Variants in FHIP2B observed in about 807,000 individuals in gnomAD.
The protein encoded by FHIP2B is FHF complex subunit HOOK-interacting protein 2B.
Under a neutral mutation model 84.0 loss-of-function variants are expected in FHIP2B, and 72 were observed. The ratio of observed to expected loss-of-function variants is 0.86; its 90% confidence interval spans 0.71 to 1.04. The LOEUF (loss-of-function observed/expected upper bound fraction) is 1.04, where lower values mean the gene tolerates loss of function less well. Ranked by LOEUF, FHIP2B falls within the 50% of genes least tolerant of loss-of-function variation. FHIP2B has a pLI of 0.00. For synonymous variants in FHIP2B, 497 were observed against 418.7 expected, an observed-to-expected ratio of 1.19 and a Z score of -2.28; for missense variants, 972 against 968.9, an observed-to-expected ratio of 1.00 and a Z score of -0.04.
At position 22,101,772 on chromosome 8, in the gene FHIP2B, C is replaced by T; in HGVS notation, c.1772C>T (p.Pro591Leu). 1.2e-6 allele frequency: 2 copies of T among 1,613,480 alleles called. No homozygotes were observed. The highest frequency in any genetic ancestry group is 1.3e-5 in the African/African-American group (1 of 75,048). ...CCTCTGACCCCCACACCTTTGGACC[C>T]CCATGAGCCCGAGCGACCTTTCTTC... ...GWPLTPTPLD[P>L]HEPERPFFEG... Residue 591 changes from proline (P) to leucine (L), a missense_variant, in exon 14 of 17, where the codon CCC becomes CTC. By Grantham distance (98) the Pro-to-Leu change is moderately conservative. Transcript: ENST00000289921.
intron 16 of FHIP2B, 35 bp from the exon 17 acceptor site, chr8:22,102,758 C>G (rs753978864): frequency 6.2e-7 from 1 of 1,610,256 alleles, no homozygotes; most frequent in African/African-American, 1.3e-5. Flanking sequence ...GTCCTGCCCC[C>G]ACCCAGCCAT....
At chr8:22,089,992 G>A in intron 1 of FHIP2B, 1 of 445,162 alleles carries the variant, frequency 2.2e-6, no homozygotes, top group Non-Finnish European at 3.8e-6. Context: ...GGGCCTGGGT[G>A]GCCCTGTGCG....
In FHIP2B at chr8:22,100,869, A is replaced by G; in HGVS notation, c.1513A>G (p.Thr505Ala). The part of the protein sequence containing the change: ...TLDLEEDPYF[T>A]DSFLDSGFQT... ...AGACCTGGAGGAAGACCCCTACTTC[A>G]CCGACAGCTTCCTGGATTCCGGCTT... Residue 505 changes from threonine to alanine, a missense_variant, in exon 12 of 17, where the codon ACC becomes GCC. By Grantham distance (58) the Thr-to-Ala change is moderately conservative (BLOSUM62 0). Coordinates refer to ENST00000289921, the MANE Select transcript of FHIP2B (RefSeq NM_022749.7). 1 of 1,613,764 alleles carries G rather than the reference A, an allele frequency of 6.2e-7. No homozygotes were observed. The highest frequency in any genetic ancestry group is 8.5e-7 in the Non-Finnish European group (1 of 1,179,876).
Position 22,097,121 on chromosome 8 carries a change from C to G in FHIP2B, c.298-395C>G, listed in dbSNP as rs541922951. On this transcript the variant is annotated intron_variant, in intron 3 of 16. Transcript: ENST00000289921. ...ATCCTGTGATGGGTCAATAATGACC[C>G]AGTCATGGAGCACAGTGATGCAGGA... 8.8e-5 allele frequency: 23 copies of G among 260,286 alleles called. No individual in the cohort carries two copies. In the South Asian group the frequency reaches 1.3e-3, roughly 14 times the overall value. 16.1% of individuals were successfully genotyped at this position (260,286 alleles called of 1,614,324 possible). A position where few individuals can be genotyped will look rare whatever the true frequency, so the allele number is the denominator to read the frequency against.
chr8:22,101,487 A>T lies in FHIP2B; in HGVS notation c.1664A>T (p.Glu555Val). Residue 555 changes from glutamate (E) to valine (V), a missense_variant, in exon 13 of 17, where the codon GAG becomes GTG. Glu to Val is a moderately radical substitution (Grantham distance 121, BLOSUM62 -2). Coordinates refer to ENST00000289921, the MANE Select transcript of FHIP2B (RefSeq NM_022749.7). ...PEEAKTSAFL[E>V]ETGYDTYVHD... ...GAAGCCAAGACCTCTGCCTTCCTGGAGGAGACAGGCTATGACACATACGTC... is the reference window on the plus strand; with the variant it reads ...GAAGCCAAGACCTCTGCCTTCCTGGTGGAGACAGGCTATGACACATACGTC... 1 of 1,612,890 alleles carries T rather than the reference A, an allele frequency of 6.2e-7. No individual in the cohort carries two copies. Among genetic ancestry groups the T allele is most frequent in the Non-Finnish European group, 8.5e-7 (1 of 1,179,350 alleles).
Position 22,102,310 on chromosome 8 carries a change from GT to G in FHIP2B, c.1988del (p.Val663GlyfsTer3). The G allele has an allele frequency of 6.2e-7, 1 of 1,612,496 alleles. No individual in the cohort carries two copies. Among genetic ancestry groups the G allele is most frequent in the Non-Finnish European group, 8.5e-7 (1 of 1,179,812 alleles). ...CTGCAGGAGCCTATTCTCCGTGTTG[GT>G]GAGGGTGAGGACGCCTCGGCCCAAG... ...PGCRSLFSVL[V>X]RVIGDLMQRI... On this transcript the variant is annotated frameshift_variant, in exon 15 of 17. Transcript: ENST00000289921. LOFTEE classifies it high-confidence loss of function.
chr8:22,096,118 G>C (rs561782250), intron 2 of FHIP2B: 2 of 498,128 alleles, frequency 4.0e-6, no homozygotes, highest in Admixed American at 3.8e-5. Context: ...GCATGCATGC[G>C]TTCTCAGAGG....
intron 13 of FHIP2B, 54 bp from the exon 14 acceptor site, chr8:22,101,654 T>G (rs1187061805): frequency 6.4e-7 from 1 of 1,568,934 alleles, no homozygotes; most frequent in Non-Finnish European, 8.7e-7. Flanking sequence ...TGGGGCCCTG[T>G]CTGCTGGTTC....
intron 9 of FHIP2B, 134 bp downstream of exon 9, chr8:22,099,494 G>T: frequency 8.9e-7 from 1 of 1,125,362 alleles, no homozygotes; most frequent in Non-Finnish European, 1.3e-6. Context: ...GGTGATGTTT[G>T]CCAGGCCTGC....
In FHIP2B at chr8:22,104,830, C is replaced by CT. The variant is rs1338031306; in HGVS notation, c.*1900dup. The CT allele has an allele frequency of 4.3e-5, 3 of 70,300 alleles. No homozygotes were observed. The highest frequency in any genetic ancestry group is 6.0e-5 in the Non-Finnish European group (2 of 33,168). The allele number at this position is 70,300 out of a possible 1,614,324, so 4.4% of individuals were successfully genotyped here. ...CCTGGGCAATAGAGTAAGACCCTGT[C>CT]TAAAAAAAAAAAAAAAAAATTTCAC... On this transcript the variant is annotated 3_prime_UTR_variant, in exon 17 of 17. Transcript: ENST00000289921.
chr8:22,103,971 C>G lies in FHIP2B; in HGVS notation c.*1040C>G, dbSNP rs1826267284. ...ATACACGGGCGGCGCCAGGCATTAC[C>G]TCACAGCGGGACTACACAGTTGCTG... On this transcript the variant is annotated 3_prime_UTR_variant, in exon 17 of 17. Transcript: ENST00000289921. 1 of 152,692 alleles carries G rather than the reference C, an allele frequency of 6.5e-6. No homozygotes were observed. Among genetic ancestry groups the G allele is most frequent in the Non-Finnish European group, 1.5e-5 (1 of 68,082 alleles). The allele number at this position is 152,692 out of a possible 1,614,324, so 9.5% of individuals were successfully genotyped here.
At position 22,099,735 on chromosome 8, in the gene FHIP2B, C is replaced by G. The variant is rs758579261; in HGVS notation, c.1183C>G (p.Leu395Val). 2 of 1,598,192 alleles carry G rather than the reference C, an allele frequency of 1.3e-6. No individual in the cohort carries two copies. The highest frequency in any genetic ancestry group is 1.4e-5 in the African/African-American group (1 of 73,988). ...SEQSILTSTA[L>V]LTAMLRQLRS... ...GCAGAGCATCTTGACCTCCACCGCC[C>G]TCCTCACAGCCATGCTGCGCCAGCT... The change falls in exon 10 of 17, where the codon CTC becomes GTC. Residue 395 changes from leucine to valine, a missense_variant. Physicochemically the swap from Leu to Val is conservative, Grantham distance 32 (BLOSUM62 1). Coordinates refer to ENST00000289921, the MANE Select transcript of FHIP2B (RefSeq NM_022749.7).
At chr8:22,089,888 C>A in intron 1 of FHIP2B, 1 of 1,238,870 alleles carries the variant, frequency 8.1e-7, no homozygotes, top group Non-Finnish European at 1.1e-6. Context: ...GGGCCCCCAG[C>A]CGGGGAAATC....
Position 22,102,524 on chromosome 8 carries a change from G to A in FHIP2B, c.1993-4G>A, listed in dbSNP as rs1826183371. 3.9e-6 allele frequency: 6 copies of A among 1,555,428 alleles called. No homozygotes were observed. The South Asian group carries it at 7.1e-5, about 18-fold the overall frequency. ...ATCTGAGTCCCCTGTGATTCCCGCT[G>A]TAGGTGATCGGGGACTTGATGCAGA... On this transcript the variant is annotated splice_region_variant and splice_polypyrimidine_tract_variant and intron_variant, in intron 15 of 16. Transcript: ENST00000289921.
At chr8:22,100,786 C>A in intron 11 of FHIP2B, 47 bp downstream of exon 11, 1 of 1,611,614 alleles carries the variant, frequency 6.2e-7, no homozygotes, top group Non-Finnish European at 8.5e-7. Flanking sequence ...CCTTAGCACT[C>A]GCACGCTCAC....
At chr8:22,089,863 C>T (rs1363635775) in intron 1 of FHIP2B, 1 of 1,270,146 alleles carries the variant, frequency 7.9e-7, no homozygotes, top group East Asian at 5.8e-5. Flanking sequence ...GGGTAAAGAC[C>T]CGGGGCAGGC....
intron 8 of FHIP2B, 49 bp downstream of exon 8, chr8:22,099,105 A>G (rs762161675): frequency 5.5e-5 from 84 of 1,518,446 alleles, no homozygotes; most frequent in Non-Finnish European, 6.5e-5. Flanking sequence ...TCCCTGTACC[A>G]TCTCCATCTC....
chr8:22,102,703 C>G, intron 16 of FHIP2B, 75 bp downstream of exon 16: 1 of 1,595,700 alleles, frequency 6.3e-7, no homozygotes, highest in Non-Finnish European at 8.5e-7. Context: ...GGTGGCTGGC[C>G]ACAGGGTCAA....
Position 22,100,740 on chromosome 8 carries a change from G to A in FHIP2B, c.1487+1G>A, listed in dbSNP as rs766972715. Reference sequence around the variant, plus strand: ...AGCCTGAGAGCTATGAGGACACCCTGTAAGTGAAACCGGCGCCCTTTGGAC... The same window carrying A: ...AGCCTGAGAGCTATGAGGACACCCTATAAGTGAAACCGGCGCCCTTTGGAC... On this transcript the variant is annotated splice_donor_variant, in intron 11 of 16. Coordinates refer to ENST00000289921, the MANE Select transcript of FHIP2B (RefSeq NM_022749.7). LOFTEE classifies it high-confidence loss of function. The A allele has an allele frequency of 1.2e-6, 2 of 1,604,814 alleles. No homozygotes were observed. The highest frequency in any genetic ancestry group is 1.7e-6 in the Non-Finnish European group (2 of 1,174,294).
Sources: gnomAD v4.1 joint callset for allele counts on GRCh38, gnomAD v4.1.1 for gene constraint, MANE v1.5 for transcripts, NCBI Gene and HGNC (gene_info 2026-07-23, HGNC 2026-07-21) for gene names.